HORMAD2: variants seen among roughly 807,000 people sequenced by gnomAD.
HORMAD2 encodes the protein HORMA domain containing 2.
In HORMAD2, 45 loss-of-function variants were observed where a neutral mutation model predicts 38.8. The ratio of observed to expected loss-of-function variants is 1.16; its 90% CI spans 0.91 to 1.49. The LOEUF (loss-of-function observed/expected upper bound fraction) is 1.49. Among genes scored for constraint, HORMAD2 ranks in the 40% most tolerant of loss-of-function variants. The probability of loss-of-function intolerance (pLI) is 0.00; values close to 1 mark genes in which losing one functional copy is unlikely to be tolerated. For synonymous variants in HORMAD2, 126 were observed against 122.8 expected (o/e 1.03, Z -0.17); for missense variants, 338 against 367.0 (o/e 0.92, Z 0.65).
chr22:30,093,856 A>G (rs2068734696), intron 1 of HORMAD2, 60 bp from the exon 2 acceptor site: 4 of 796,342 alleles, frequency 5.0e-6, no homozygotes, highest in Non-Finnish European at 7.9e-6. Flanking sequence ...TTTTGGGCAG[A>G]GTAAGAGAGG....
chr22:30,180,764 C>G (rs931889722), downstream of HORMAD2, among the ~76,000 whole-genome samples: 1 of 150,924 alleles, frequency 6.6e-6, no homozygotes, highest in Non-Finnish European at 1.5e-5. Flanking sequence ...TCTTTCTTCC[C>G]CTTCCCTTCC....
the HORMAD2 span, among the ~76,000 whole-genome samples, chr22:30,199,141 C>T: frequency 6.6e-6 from 1 of 152,210 alleles, no homozygotes; most frequent in Admixed American, 6.5e-5. Context: ...ATTCAAATGA[C>T]TGGACTGAGA....
At chr22:30,180,208 T>TTTA (rs1926641944), downstream of HORMAD2, among the ~76,000 whole-genome samples, 1 of 152,146 alleles carries the variant, frequency 6.6e-6, no homozygotes, top group African/African-American at 2.4e-5. Flanking sequence ...CATTTTAGTC[T>TTTA]GGACTTACCT....
At chr22:30,127,166 T>G (rs1922926367) in intron 10 of HORMAD2, among the ~76,000 whole-genome samples, 1 of 151,708 alleles carries the variant, frequency 6.6e-6, no homozygotes, top group Non-Finnish European at 1.5e-5. Context: ...TTACGAGTTG[T>G]TTTCTTAATG....
At chr22:30,139,347 C>CAT (rs990719167) in intron 10 of HORMAD2, among the ~76,000 whole-genome samples, 14 of 131,820 alleles carry the variant, frequency 1.1e-4, no homozygotes, top group South Asian at 4.7e-4. Flanking sequence ...TCTCTCTCTA[C>CAT]ATATATATAT....
chr22:30,186,911 T>TG, the HORMAD2 span, among the ~76,000 whole-genome samples: 8 of 136,692 alleles, frequency 5.9e-5, no homozygotes, highest in Admixed American at 4.4e-4. Flanking sequence ...GGGTTGGGGG[T>TG]GGGGGGGTCA....
At position 30,121,988 on chromosome 22, in the gene HORMAD2, T is replaced by C; in HGVS notation, c.593T>C (p.Leu198Pro). ...GTGACCCCACATGATTACCAACCCC[T>C]CGGTTTTAAAGAAGGGGTAAATTCA... ...NAVTPHDYQP[L>P]GFKEGVNSHF... is the part of the protein sequence containing the mutation. Residue 198 changes from leucine (L) to proline (P), a missense_variant, in exon 10 of 11, where the codon CTC (leucine) becomes CCC (proline). Leu to Pro is a moderately conservative substitution (Grantham distance 98). Transcript: ENST00000336726. The C allele has an allele frequency of 6.2e-7, 1 of 1,611,632 alleles. No individual in the cohort carries two copies. Among genetic ancestry groups the C allele is most frequent in the South Asian group, 1.1e-5 (1 of 90,742 alleles).
In HORMAD2 at chr22:30,176,384, G is replaced by A. The variant is rs1926462645; in HGVS notation, c.*217G>A. ...AAGCGGGTCAATAGGGCTGCCTCTG[G>A]ATAGCATTACTTCAAAGCTGGGTTA... On this transcript the variant is annotated 3_prime_UTR_variant, in exon 11 of 11. Coordinates refer to ENST00000336726, the MANE Select transcript of HORMAD2 (RefSeq NM_152510.4). 2.1e-6 allele frequency: 1 copy of A among 471,556 alleles called. No homozygotes were observed. The highest frequency in any genetic ancestry group is 3.2e-5 in the South Asian group (1 of 31,362). The allele number at this position is 471,556 out of a possible 1,614,324, so 29.2% of individuals were successfully genotyped here.
chr22:30,151,735 C>A (rs1165196506), intron 10 of HORMAD2, among the ~76,000 whole-genome samples: 1 of 150,326 alleles, frequency 6.7e-6, no homozygotes, highest in Admixed American at 6.6e-5. Flanking sequence ...CAGAACATCA[C>A]TAGTCTCAGT....
chr22:30,157,803 TTC>T (rs1925176774), intron 10 of HORMAD2, among the ~76,000 whole-genome samples: 1 of 152,164 alleles, frequency 6.6e-6, no homozygotes, highest in African/African-American at 2.4e-5. Context: ...TCCCTTATAC[TTC>T]TCATAACCTA....
At chr22:30,125,211 C>CTTTTTTTTTTTTTT (rs1569099734) in intron 10 of HORMAD2, among the ~76,000 whole-genome samples, 1 of 46,592 alleles carries the variant, frequency 2.1e-5, no homozygotes, top group African/African-American at 9.7e-5. Flanking sequence ...CTTTCTTTTT[C>CTTTTTTTTTTTTTT]TTTTCTTTTT....
chr22:30,163,653 A>G (rs1208501865), intron 10 of HORMAD2, among the ~76,000 whole-genome samples: 2 of 151,818 alleles, frequency 1.3e-5, no homozygotes, highest in East Asian at 3.9e-4. Context: ...TTCTCAAACC[A>G]CTGAGCTCAA....
intron 10 of HORMAD2, among the ~76,000 whole-genome samples, chr22:30,162,220 G>A (rs1421659034): frequency 6.6e-6 from 1 of 152,104 alleles, no homozygotes; most frequent in Non-Finnish European, 1.5e-5. Context: ...GGCTGAGGTG[G>A]GAGGATTACC....
At chr22:30,123,613 G>T (rs1922614202) in intron 10 of HORMAD2, among the ~76,000 whole-genome samples, 1 of 151,680 alleles carries the variant, frequency 6.6e-6, no homozygotes, top group East Asian at 1.9e-4. Flanking sequence ...GGGATTACAG[G>T]TATGAGACAC....
chr22:30,137,273 C>G (rs1277876003), intron 10 of HORMAD2: 1 of 544,628 alleles, frequency 1.8e-6, no homozygotes. Context: ...AACACATGAC[C>G]CTTGAGGCCA....
intron 3 of HORMAD2, among the ~76,000 whole-genome samples, chr22:30,101,025 C>G (rs1569086237): frequency 6.6e-6 from 1 of 152,152 alleles, no homozygotes; most frequent in East Asian, 1.9e-4. Flanking sequence ...GACAGTGTGG[C>G]AATTCCTCAA....
At chr22:30,125,386 A>G (rs1016266192) in intron 10 of HORMAD2, among the ~76,000 whole-genome samples, 9 of 149,044 alleles carry the variant, frequency 6.0e-5, no homozygotes, top group African/African-American at 2.2e-4. Flanking sequence ...GTGCCACCAC[A>G]CCCAGCTAAT....
chr22:30,116,675 T>G (rs1922065584), intron 7 of HORMAD2, among the ~76,000 whole-genome samples: 1 of 152,226 alleles, frequency 6.6e-6, no homozygotes, highest in African/African-American at 2.4e-5. Context: ...AGAGTCAGAC[T>G]GAAGTTAATT....
At chr22:30,146,881 T>C (rs1259747097) in intron 10 of HORMAD2, among the ~76,000 whole-genome samples, 3 of 152,210 alleles carry the variant, frequency 2.0e-5, no homozygotes, top group Non-Finnish European at 4.4e-5. Flanking sequence ...TAGAAATTTA[T>C]TGTATTTCTC....
Sources: gnomAD v4.1 joint callset for allele counts (sites outside exome capture counted in the v4.1 genomes callset) on GRCh38, gnomAD v4.1.1 for gene constraint, MANE v1.5 for transcripts, NCBI Gene and HGNC (gene_info 2026-07-23, HGNC 2026-07-21) for gene names.